The following GALNTL6 variants were observed in gnomAD, a reference collection of about 807,000 sequenced individuals.
GALNTL6 encodes polypeptide N-acetylgalactosaminyltransferase like 6, also known as polypeptide N-acetylgalactosaminyltransferase-like 6.
Under a neutral mutation model 73.7 loss-of-function variants are expected in GALNTL6, and 46 were observed. The ratio of observed to expected loss-of-function variants is 0.62; its 90% CI spans 0.49 to 0.80. The LOEUF is 0.80. Among genes scored for constraint, GALNTL6 ranks in the 30% least tolerant of loss-of-function variants. GALNTL6 has a pLI of 0.00. For synonymous variants in GALNTL6, 259 were observed against 263.7 expected, an observed-to-expected ratio of 0.98 and a Z score of 0.17; for missense variants, 604 against 755.0, an observed-to-expected ratio of 0.80 and a Z score of 2.34.
At chr4:171,917,371 C>T (rs80324096) in intron 2 of GALNTL6, among the ~76,000 whole-genome samples, 1 of 152,042 alleles carries the variant, frequency 6.6e-6, no homozygotes, top group African/African-American at 2.4e-5. Context: ...TTGAACCCAA[C>T]TTTCAGATAT....
intron 2 of GALNTL6, among the ~76,000 whole-genome samples, chr4:172,087,799 GT>G (rs1732093304): frequency 6.6e-6 from 1 of 151,000 alleles, no homozygotes; most frequent in Non-Finnish European, 1.5e-5. Context: ...GGGCCAGTGA[GT>G]TTTTTTATCG....
At chr4:173,022,096 A>AAGGAAGGAAAGAAGGAAGGT (rs1753030668) in intron 12 of GALNTL6, among the ~76,000 whole-genome samples, 1 of 146,432 alleles carries the variant, frequency 6.8e-6, no homozygotes, top group Non-Finnish European at 1.5e-5. Flanking sequence ...GGAAAGAAGG[A>AAGGAAGGAAAGAAGGAAGGT]AGGAAGGAAG....
chr4:172,839,398 C>T (rs564731145), intron 7 of GALNTL6, among the ~76,000 whole-genome samples: 15 of 152,164 alleles, frequency 9.9e-5, no homozygotes, highest in African/African-American at 3.6e-4. Context: ...ATCACTATGA[C>T]CTTCTGCAAG....
intron 3 of GALNTL6, among the ~76,000 whole-genome samples, chr4:172,271,758 A>G (rs1560999925): frequency 6.6e-6 from 1 of 152,088 alleles, no homozygotes; most frequent in East Asian, 1.9e-4. Context: ...ATAAACATAT[A>G]TAGCCATACA....
intron 2 of GALNTL6, among the ~76,000 whole-genome samples, chr4:171,850,349 A>G (rs1735488506): frequency 2.0e-5 from 3 of 152,214 alleles, no homozygotes; most frequent in Admixed American, 6.5e-5. Context: ...ACTGGCCAGA[A>G]CCAGTCCATG....
intron 2 of GALNTL6, among the ~76,000 whole-genome samples, chr4:171,867,688 A>G (rs1208487336): frequency 6.6e-6 from 1 of 152,228 alleles, no homozygotes; most frequent in Non-Finnish European, 1.5e-5. Context: ...CCTGCTTAAA[A>G]TTCCATGTGG....
rs143905089 is a variant in GALNTL6, at chr4:172,879,288, T to C, written c.924-3502T>C. ...ATCAACCAACTTGACCTAATAAATATTTATAGAACACTGTACCCAACAGGA... is the reference window on the plus strand; with the variant it reads ...ATCAACCAACTTGACCTAATAAATACTTATAGAACACTGTACCCAACAGGA... On this transcript the variant is annotated intron_variant, in intron 7 of 12. Coordinates refer to ENST00000506823, the MANE Select transcript of GALNTL6 (RefSeq NM_001034845.3). 8.8e-4 allele frequency among the ~76,000 whole-genome samples: 133 copies of C among 151,932 alleles called. 4 individuals are homozygous for C. In the East Asian group the frequency reaches 0.023, roughly 26 times the overall value.
At chr4:172,571,813 G>A (rs1736771824) in intron 5 of GALNTL6, among the ~76,000 whole-genome samples, 2 of 152,190 alleles carry the variant, frequency 1.3e-5, no homozygotes, top group South Asian at 4.1e-4. Flanking sequence ...TGTTTTCATG[G>A]CCTATTTCTC....
chr4:171,816,513 G>A (rs780695459), intron 2 of GALNTL6, among the ~76,000 whole-genome samples: 29 of 151,940 alleles, frequency 1.9e-4, no homozygotes, highest in Non-Finnish European at 2.5e-4. Flanking sequence ...GAGAATTTTC[G>A]TATACTGTAG....
At chr4:172,726,812 C>T (rs1735841943) in intron 5 of GALNTL6, among the ~76,000 whole-genome samples, 1 of 152,152 alleles carries the variant, frequency 6.6e-6, no homozygotes, top group South Asian at 2.1e-4. Flanking sequence ...GTTGTCAGAA[C>T]ATGTTTCTTA....
intron 8 of GALNTL6, among the ~76,000 whole-genome samples, chr4:172,892,718 A>T (rs2111217350): frequency 6.8e-6 from 1 of 146,570 alleles, no homozygotes; most frequent in African/African-American, 2.5e-5. Flanking sequence ...GAGATGGGAG[A>T]TGGGGGGCAA....
intron 5 of GALNTL6, among the ~76,000 whole-genome samples, chr4:172,791,794 A>G (rs537219405): frequency 6.6e-6 from 1 of 152,214 alleles, no homozygotes; most frequent in South Asian, 2.1e-4. Flanking sequence ...GTTTAGGAAA[A>G]GAAAAAAAAA....
At chr4:172,561,707 T>C (rs909381427) in intron 5 of GALNTL6, among the ~76,000 whole-genome samples, 3 of 152,174 alleles carry the variant, frequency 2.0e-5, no homozygotes, top group Admixed American at 6.5e-5. Context: ...CATTTTCAGG[T>C]CACCTGGGAA....
intron 5 of GALNTL6, among the ~76,000 whole-genome samples, chr4:172,540,280 T>C (rs1735504708): frequency 6.6e-6 from 1 of 151,926 alleles, no homozygotes; most frequent in Non-Finnish European, 1.5e-5. Flanking sequence ...GACCTCATTA[T>C]CCGCCCACCT....
chr4:172,596,779 C>T (rs946950472), intron 5 of GALNTL6, among the ~76,000 whole-genome samples: 1 of 152,074 alleles, frequency 6.6e-6, no homozygotes, highest in Non-Finnish European at 1.5e-5. Context: ...CACATATATA[C>T]ATGTATATTT....
In GALNTL6 at chr4:172,160,448, A is replaced by C. The variant is rs559876462; in HGVS notation, c.139-69208A>C. 9.9e-5 allele frequency among the ~76,000 whole-genome samples: 15 copies of C among 152,240 alleles called. No individual in the cohort carries two copies. The South Asian group carries it at 3.1e-3, about 32-fold the overall frequency. The stretch of plus-strand genomic sequence containing the variant: ...GAATGCAGCTGTGGAGTCACATAAA[A>C]GTCCATTGGATTTGCCAACTGTGGG... On this transcript the variant is annotated intron_variant, in intron 2 of 12. Coordinates refer to ENST00000506823, the MANE Select transcript of GALNTL6 (RefSeq NM_001034845.3).
At chr4:172,837,202 G>T (rs1012542463) in intron 7 of GALNTL6, among the ~76,000 whole-genome samples, 1 of 152,118 alleles carries the variant, frequency 6.6e-6, no homozygotes, top group African/African-American at 2.4e-5. Context: ...TTCTGGTTTT[G>T]CCAGTAGTTC....
At chr4:172,715,759 T>C (rs967969855) in intron 5 of GALNTL6, among the ~76,000 whole-genome samples, 1 of 152,180 alleles carries the variant, frequency 6.6e-6, no homozygotes, top group Non-Finnish European at 1.5e-5. Context: ...CTGTTTGTAG[T>C]TGTTAGATCC....
At chr4:173,010,654 G>A (rs976093886) in intron 11 of GALNTL6, among the ~76,000 whole-genome samples, 5 of 151,936 alleles carry the variant, frequency 3.3e-5, no homozygotes, top group African/African-American at 1.2e-4. Flanking sequence ...GAGTGCAGTG[G>A]CGCAATCTCG....
Sources: gnomAD v4.1 joint callset for allele counts (sites outside exome capture counted in the v4.1 genomes callset) on GRCh38, gnomAD v4.1.1 for gene constraint, MANE v1.5 for transcripts, NCBI Gene and HGNC (gene_info 2026-07-23, HGNC 2026-07-21) for gene names.